GABRG3: variants seen among roughly 807,000 people sequenced by gnomAD.
GABRG3 encodes the protein gamma-aminobutyric acid receptor subunit gamma-3.
A neutral mutation model predicts 48.8 loss-of-function variants in GABRG3; 25 were observed. That is an observed-to-expected ratio of 0.51 (90% CI 0.37 to 0.72). The LOEUF (loss-of-function observed/expected upper bound fraction) is 0.72. GABRG3 is among the 30% of genes least tolerant of loss of function. The probability of loss-of-function intolerance (pLI) is 0.00; values close to 1 mark genes in which losing one functional copy is unlikely to be tolerated. For synonymous variants in GABRG3, 227 were observed against 217.6 expected (o/e 1.04, Z -0.38); for missense variants, 394 against 577.9 (o/e 0.68, Z 3.26).
chr15:27,036,924 A>G (rs1896189468), intron 3 of GABRG3, among the ~76,000 whole-genome samples: 1 of 152,176 alleles, frequency 6.6e-6, no homozygotes. Context: ...GTAATTTATT[A>G]AGATCATTCT....
intron 5 of GABRG3, among the ~76,000 whole-genome samples, chr15:27,373,005 A>C (rs1895465024): frequency 6.6e-6 from 1 of 152,162 alleles, no homozygotes; most frequent in Non-Finnish European, 1.5e-5. Flanking sequence ...TTCACCTACA[A>C]AATGCTCATG....
At chr15:27,420,894 A>G (rs890496322) in intron 5 of GABRG3, among the ~76,000 whole-genome samples, 1 of 152,236 alleles carries the variant, frequency 6.6e-6, no homozygotes, top group Non-Finnish European at 1.5e-5. Flanking sequence ...TGTGATAAGT[A>G]AATGTGCTCG....
Position 27,527,483 on chromosome 15 carries a change from T to C in GABRG3, c.916T>C (p.Ser306Pro), listed in dbSNP as rs776710232. ...CACCCTGAGCACCATCGCCAGGAAG[T>C]CCTTGCCACGCGTGTCCTACGTGAC... ...MTTLSTIARK[S>P]LPRVSYVTAM... is the part of the protein sequence containing the mutation. Residue 306 changes from serine to proline, a missense_variant, in exon 8 of 10, where the codon TCC becomes CCC. This residue lies in a region of GABRG3 where 50 missense variants were observed against 112.5 expected (regional missense o/e 0.44). Coordinates refer to ENST00000615808, the MANE Select transcript of GABRG3 (RefSeq NM_033223.5). 1.2e-6 allele frequency: 2 copies of C among 1,613,948 alleles called. No individual in the cohort carries two copies. Among genetic ancestry groups the C allele is most frequent in the Non-Finnish European group, 1.7e-6 (2 of 1,179,892 alleles).
At chr15:27,226,301 CTGCTG>C (rs1889613629) in intron 3 of GABRG3, among the ~76,000 whole-genome samples, 1 of 152,140 alleles carries the variant, frequency 6.6e-6, no homozygotes, top group South Asian at 2.1e-4. Flanking sequence ...GGCTCGGGTG[CTGCTG>C]ACATGGACAA....
At position 26,976,674 on chromosome 15, in the gene GABRG3, G is replaced by A. The variant is rs567186372; in HGVS notation, c.54-328G>A. On this transcript the variant is annotated intron_variant, in intron 1 of 9. Transcript: ENST00000615808. This position sits in a 1 kb window ranked among gnomAD's most constrained non-coding sequence, Gnocchi z 7.8. ...GCCTTGACCTTCACAGGCTATCGGG[G>A]TGGATCCAAGGGTGTGTTGCCTGCT... Among the ~76,000 whole-genome samples, 24 of 152,266 alleles carry A rather than the reference G, an allele frequency of 1.6e-4. No individual in the cohort carries two copies. The South Asian group carries it at 4.6e-3, about 29-fold the overall frequency.
At chr15:27,452,070 G>A (rs115198489) in intron 5 of GABRG3, among the ~76,000 whole-genome samples, 2,073 of 152,204 alleles carry the variant, frequency 0.014, 42 homozygotes, top group African/African-American at 0.048. Flanking sequence ...ACAAAAGTGC[G>A]CAGGACCTAA....
chr15:27,019,801 C>A (rs1408498716), intron 2 of GABRG3, among the ~76,000 whole-genome samples: 1 of 152,018 alleles, frequency 6.6e-6, no homozygotes, highest in African/African-American at 2.4e-5. Flanking sequence ...GCCTCTTATG[C>A]GTTGGGGGCA....
chr15:26,993,329 T>C (rs922182501), intron 2 of GABRG3, among the ~76,000 whole-genome samples: 2 of 152,068 alleles, frequency 1.3e-5, no homozygotes, highest in Admixed American at 6.5e-5. Flanking sequence ...TCTTTTTCTA[T>C]GTAGGCACTT....
At chr15:27,526,528 G>A (rs532074763) in intron 7 of GABRG3, among the ~76,000 whole-genome samples, 8 of 152,084 alleles carry the variant, frequency 5.3e-5, no homozygotes, top group East Asian at 3.9e-4. Flanking sequence ...GGGAAGACTC[G>A]GGAGAGTCAG....
rs1896666313 is a variant in GABRG3, at chr15:27,062,463, CCT to C, written c.270+35643_270+35644del. Among the ~76,000 whole-genome samples, 4 of 53,668 alleles carry C rather than the reference CCT, an allele frequency of 7.5e-5. No homozygotes were observed. The South Asian group carries it at 1.5e-3, about 21-fold the overall frequency. 35.2% of individuals were successfully genotyped at this position (53,668 alleles called of 152,430 possible). On this transcript the variant is annotated intron_variant, in intron 3 of 9. Transcript: ENST00000615808. Reference sequence around the variant, plus strand: ...AAAAAAAAAAAAAAAAAAAAATTAGCCTTGCATGATGGCAGGTGCCTGTAATC... The same window carrying C: ...AAAAAAAAAAAAAAAAAAAAATTAGCTGCATGATGGCAGGTGCCTGTAATC...
chr15:27,028,214 T>G (rs1392221323), intron 3 of GABRG3, among the ~76,000 whole-genome samples: 1 of 152,152 alleles, frequency 6.6e-6, no homozygotes, highest in East Asian at 1.9e-4. Flanking sequence ...AAGGGACTTC[T>G]CCAGTGAGGT....
intron 5 of GABRG3, among the ~76,000 whole-genome samples, chr15:27,475,944 G>T (rs749893550): frequency 6.6e-6 from 1 of 152,114 alleles, no homozygotes; most frequent in Admixed American, 6.6e-5. Flanking sequence ...AAGGTAGGAA[G>T]AAGTAGGGGC....
At chr15:27,389,080 A>G (rs1259541168) in intron 5 of GABRG3, among the ~76,000 whole-genome samples, 1 of 152,248 alleles carries the variant, frequency 6.6e-6, no homozygotes, top group Non-Finnish European at 1.5e-5. Flanking sequence ...GATACCAACA[A>G]CATGAATCAA....
chr15:27,469,431 C>G (rs1239083620), intron 5 of GABRG3, among the ~76,000 whole-genome samples: 1 of 152,156 alleles, frequency 6.6e-6, no homozygotes, highest in Admixed American at 6.6e-5. Flanking sequence ...ACCTCTGCCT[C>G]TTAGGTTCAA....
In GABRG3 at chr15:27,536,988, C is replaced by CT. The variant is rs1891560364; in HGVS notation, c.*4109dup. The CT allele has an allele frequency of 6.6e-6, 1 of 152,152 alleles. No individual in the cohort carries two copies. The highest frequency in any genetic ancestry group is 2.1e-4 in the South Asian group (1 of 4,828). The allele number at this position is 152,152 out of a possible 1,614,324, so 9.4% of individuals were successfully genotyped here. ...TTACACCTGGTCTCCAACCATTATTCTTATCACCGTATCGGTTCAGTGCTC... is the reference window on the plus strand; with the variant it reads ...TTACACCTGGTCTCCAACCATTATTCTTTATCACCGTATCGGTTCAGTGCTC... On this transcript the variant is annotated 3_prime_UTR_variant, in exon 10 of 10. Coordinates refer to ENST00000615808, the MANE Select transcript of GABRG3 (RefSeq NM_033223.5).
chr15:27,506,362 A>G (rs986477736), intron 6 of GABRG3, among the ~76,000 whole-genome samples: 1 of 152,182 alleles, frequency 6.6e-6, no homozygotes, highest in Non-Finnish European at 1.5e-5. Context: ...CTGGTTCCAG[A>G]AGGGGAACTC....
At chr15:27,112,165 G>A (rs917335240) in intron 3 of GABRG3, among the ~76,000 whole-genome samples, 3 of 152,096 alleles carry the variant, frequency 2.0e-5, no homozygotes, top group African/African-American at 4.8e-5. Context: ...TATGGCCCTT[G>A]TGGATTCTGC....
chr15:27,391,268 G>T (rs753272408), intron 5 of GABRG3, among the ~76,000 whole-genome samples: 19 of 152,118 alleles, frequency 1.2e-4, no homozygotes, highest in Non-Finnish European at 1.9e-4. Flanking sequence ...TACAGGAAAT[G>T]AGTTTACATA....
chr15:27,432,708 T>C (rs947216965), intron 5 of GABRG3, among the ~76,000 whole-genome samples: 1 of 152,226 alleles, frequency 6.6e-6, no homozygotes, highest in Admixed American at 6.5e-5. Context: ...TATCATGAAA[T>C]CCTGGTTCCT....
Sources: gnomAD v4.1 joint callset for allele counts (sites outside exome capture counted in the v4.1 genomes callset) on GRCh38, gnomAD v4.1.1 for gene constraint, gnomAD v4.1.1 regional missense constraint, Gnocchi (gnomAD v3.1) non-coding constraint, MANE v1.5 for transcripts, NCBI Gene and HGNC (gene_info 2026-07-23, HGNC 2026-07-21) for gene names.